EXOC6B: variants seen among roughly 807,000 people sequenced by gnomAD.
EXOC6B encodes SEC15 homolog B.
EXOC6B carries 54 observed loss-of-function variants against 113.5 expected under a neutral mutation model. The ratio of observed to expected loss-of-function variants is 0.48; its 90% CI spans 0.38 to 0.60. The LOEUF (loss-of-function observed/expected upper bound fraction) is 0.60. Among genes scored for constraint, EXOC6B ranks in the 20% least tolerant of loss-of-function variants. The probability of loss-of-function intolerance (pLI) is 0.00; values close to 1 mark genes in which losing one functional copy is unlikely to be tolerated. For synonymous variants in EXOC6B, 357 were observed against 339.0 expected (o/e 1.05, Z -0.58); for missense variants, 797 against 977.5 (o/e 0.82, Z 2.46).
rs561530378 is a variant in EXOC6B at position 72,686,995 on chromosome 2, G to A, written c.669+31108C>T. Among the ~76,000 whole-genome samples, 10 of 152,000 alleles carry A rather than the reference G, an allele frequency of 6.6e-5. No individual in the cohort carries two copies. In the East Asian group the frequency reaches 9.7e-4, roughly 15 times the overall value. On this transcript the variant is annotated intron_variant, in intron 6 of 21. Transcript: ENST00000272427. Reference sequence around the variant, plus strand: ...CTACTAAAAAGACAAAAAATTAGCCGGGCGTGGTGGCGGGCGCCTGTAGTC... The same window carrying A: ...CTACTAAAAAGACAAAAAATTAGCCAGGCGTGGTGGCGGGCGCCTGTAGTC...
intron 20 of EXOC6B, among the ~76,000 whole-genome samples, chr2:72,184,450 C>A (rs1013503369): frequency 1.3e-5 from 2 of 152,132 alleles, no homozygotes; most frequent in African/African-American, 4.8e-5. Flanking sequence ...TCAGAGGCAA[C>A]CCTGTAAAGA....
At chr2:72,541,966 A>G (rs1057002209) in intron 8 of EXOC6B, among the ~76,000 whole-genome samples, 1 of 152,158 alleles carries the variant, frequency 6.6e-6, no homozygotes, top group African/African-American at 2.4e-5. Flanking sequence ...GAGCCACCAC[A>G]CCCAGCTGAC....
At chr2:72,419,671 T>C (rs1159199711) in intron 18 of EXOC6B, among the ~76,000 whole-genome samples, 2 of 152,242 alleles carry the variant, frequency 1.3e-5, no homozygotes, top group East Asian at 1.9e-4. Flanking sequence ...TATGTGCTCA[T>C]AGTTTTATCA....
intron 20 of EXOC6B, among the ~76,000 whole-genome samples, chr2:72,221,307 A>C (rs890073643): frequency 1.3e-5 from 2 of 152,238 alleles, no homozygotes; most frequent in African/African-American, 4.8e-5. Context: ...ACTCTACGTT[A>C]GTTACTAAAT....
chr2:72,241,737 C>T (rs956782286), intron 20 of EXOC6B, among the ~76,000 whole-genome samples: 7 of 151,958 alleles, frequency 4.6e-5, no homozygotes, highest in Non-Finnish European at 8.8e-5. Flanking sequence ...AAAAAATCCA[C>T]CAATAAAGAA....
At chr2:72,612,028 A>T (rs943698629) in intron 6 of EXOC6B, among the ~76,000 whole-genome samples, 5 of 152,164 alleles carry the variant, frequency 3.3e-5, no homozygotes, top group Admixed American at 6.5e-5. Context: ...CACGCCTGTA[A>T]TCCCAGCACT....
chr2:72,738,151 G>A (rs540102600), intron 2 of EXOC6B, among the ~76,000 whole-genome samples: 17 of 152,222 alleles, frequency 1.1e-4, no homozygotes, highest in African/African-American at 3.9e-4. Context: ...TGCCCTAGAG[G>A]ACTCACTCTA....
intron 20 of EXOC6B, among the ~76,000 whole-genome samples, chr2:72,196,826 G>A (rs1416529141): frequency 3.3e-5 from 5 of 151,938 alleles, no homozygotes; most frequent in East Asian, 3.9e-4. Flanking sequence ...AAAATTTAAC[G>A]AGCCACTTCA....
chr2:72,731,266 C>G (rs1680630502), intron 3 of EXOC6B, 21 bp from the exon 4 acceptor site: 2 of 1,561,802 alleles, frequency 1.3e-6, no homozygotes, highest in Non-Finnish European at 8.8e-7. Flanking sequence ...GGGAAAAAGA[C>G]TGAATTATGC....
intron 2 of EXOC6B, among the ~76,000 whole-genome samples, chr2:72,738,747 G>A (rs542508951): frequency 2.0e-5 from 3 of 152,068 alleles, no homozygotes; most frequent in Non-Finnish European, 4.4e-5. Context: ...AGGCTGAGAC[G>A]GTCAGATCAC....
At chr2:72,583,139 G>T (rs74956765) in intron 6 of EXOC6B, among the ~76,000 whole-genome samples, 2,377 of 152,040 alleles carry the variant, frequency 0.016, 86 homozygotes, top group African/African-American at 0.055. Context: ...ACCTAACCCA[G>T]CCAGACAAAA....
chr2:72,738,198 A>G (rs975909166), intron 2 of EXOC6B, among the ~76,000 whole-genome samples: 2 of 152,176 alleles, frequency 1.3e-5, no homozygotes, highest in African/African-American at 2.4e-5. Context: ...ATTGTTCTCA[A>G]TTTACACTCT....
At chr2:72,397,625 A>AAAAAAAAAATAAATAAAATAAAAT (rs1173279000) in intron 18 of EXOC6B, among the ~76,000 whole-genome samples, 1 of 104,140 alleles carries the variant, frequency 9.6e-6, no homozygotes, top group African/African-American at 7.9e-5. Flanking sequence ...CTCAAAAAAA[A>AAAAAAAAAATAAATAAAATAAAAT]AAAATAAAAT....
intron 6 of EXOC6B, among the ~76,000 whole-genome samples, chr2:72,623,605 A>AC (rs1671874758): frequency 6.6e-6 from 1 of 151,710 alleles, no homozygotes; most frequent in Admixed American, 6.6e-5. Flanking sequence ...ATTAGTCACT[A>AC]CCCCCCAACT....
chr2:72,486,036 CTGA>C (rs1699404398), intron 16 of EXOC6B, among the ~76,000 whole-genome samples: 2 of 152,140 alleles, frequency 1.3e-5, no homozygotes, highest in Non-Finnish European at 2.9e-5. Flanking sequence ...TTGATATGAA[CTGA>C]TATATTGCAG....
At chr2:72,683,299 C>T (rs1676845860) in intron 6 of EXOC6B, among the ~76,000 whole-genome samples, 1 of 150,848 alleles carries the variant, frequency 6.6e-6, no homozygotes, top group Admixed American at 6.6e-5. Flanking sequence ...CAAAAAGTGA[C>T]TTTTAAAAAA....
intron 6 of EXOC6B, among the ~76,000 whole-genome samples, chr2:72,686,264 T>C (rs1231909847): frequency 6.6e-6 from 1 of 152,190 alleles, no homozygotes; most frequent in African/African-American, 2.4e-5. Context: ...CTCAGTCTTT[T>C]AAGTCCAAGG....
intron 15 of EXOC6B, among the ~76,000 whole-genome samples, chr2:72,494,005 A>G (rs1421057406): frequency 6.6e-6 from 1 of 152,160 alleles, no homozygotes; most frequent in Non-Finnish European, 1.5e-5. Context: ...AGGTAAACAT[A>G]TTCCAGGATA....
intron 8 of EXOC6B, among the ~76,000 whole-genome samples, chr2:72,547,351 A>G (rs909928819): frequency 6.6e-6 from 1 of 152,220 alleles, no homozygotes; most frequent in Non-Finnish European, 1.5e-5. Context: ...GATGTCAGAA[A>G]TCTTTAAACT....
Sources: gnomAD v4.1 joint callset for allele counts (sites outside exome capture counted in the v4.1 genomes callset) on GRCh38, gnomAD v4.1.1 for gene constraint, MANE v1.5 for transcripts, NCBI Gene and HGNC (gene_info 2026-07-23, HGNC 2026-07-21) for gene names.